ABCD2: variants seen among roughly 807,000 people sequenced by gnomAD.
ABCD2 encodes ATP binding cassette subfamily D member 2.
Under a neutral mutation model 70.9 loss-of-function variants are expected in ABCD2, and 36 were observed. The ratio of observed to expected loss-of-function variants is 0.51; its 90% CI spans 0.39 to 0.67. ABCD2 has a LOEUF of 0.67. Among genes scored for constraint, ABCD2 ranks in the 30% least tolerant of loss-of-function variants. ABCD2 has a pLI of 0.00. For missense variants in ABCD2, 729 were observed against 890.2 expected (o/e 0.82, Z 2.30); for synonymous variants, 304 against 306.9 (o/e 0.99, Z 0.10).
At chr12:39,587,265 T>C (rs1941678944) in intron 6 of ABCD2, among the ~76,000 whole-genome samples, 1 of 152,214 alleles carries the variant, frequency 6.6e-6, no homozygotes, top group Non-Finnish European at 1.5e-5. Context: ...TATAGAGTGA[T>C]TTCCATGATA....
At chr12:39,618,443 G>A (rs1592002684) in intron 1 of ABCD2, among the ~76,000 whole-genome samples, 1 of 152,258 alleles carries the variant, frequency 6.6e-6, no homozygotes, top group East Asian at 1.9e-4. Flanking sequence ...CTTTTTTAGA[G>A]TGTTGCAAAT....
chr12:39,575,110 G>A (rs189861599), intron 8 of ABCD2, among the ~76,000 whole-genome samples: 1 of 152,278 alleles, frequency 6.6e-6, no homozygotes, highest in Admixed American at 6.5e-5. Context: ...TGAACAAGAG[G>A]AAGAAGTAAA....
intron 4 of ABCD2, 116 bp downstream of exon 4, chr12:39,604,646 A>C (rs1400515486): frequency 3.9e-6 from 3 of 768,886 alleles, no homozygotes; most frequent in Non-Finnish European, 5.9e-6. Flanking sequence ...TGTTTAAATA[A>C]TGTTGGTTAT....
At chr12:39,604,092 A>G (rs1941938389) in intron 4 of ABCD2, 86 bp from the exon 5 acceptor site, 1 of 853,450 alleles carries the variant, frequency 1.2e-6, no homozygotes, top group African/African-American at 1.7e-5. Context: ...ATAACAGGTA[A>G]TTTCAATTAT....
At chr12:39,613,682 T>A (rs563505083) in intron 2 of ABCD2, among the ~76,000 whole-genome samples, 1 of 152,286 alleles carries the variant, frequency 6.6e-6, no homozygotes, top group South Asian at 2.1e-4. Context: ...CATCTGGAGT[T>A]ATATAACGCC....
At chr12:39,532,036 G>A in the ABCD2 span, among the ~76,000 whole-genome samples, 1 of 152,174 alleles carries the variant, frequency 6.6e-6, no homozygotes, top group African/African-American at 2.4e-5. Flanking sequence ...TCAATTAGGT[G>A]GATTAACAGG....
intron 5 of ABCD2, 35 bp downstream of exon 5, chr12:39,603,877 G>A (rs746256570): frequency 6.9e-7 from 1 of 1,456,464 alleles, no homozygotes; most frequent in South Asian, 1.1e-5. Flanking sequence ...TTAGTGTGAT[G>A]GCAACAATCA....
intron 6 of ABCD2, among the ~76,000 whole-genome samples, chr12:39,591,276 GATA>G (rs746379012): frequency 1.3e-5 from 2 of 152,044 alleles, no homozygotes; most frequent in African/African-American, 4.8e-5. Context: ...AAAAATGTGT[GATA>G]ATAAGAAGAA....
the ABCD2 span, among the ~76,000 whole-genome samples, chr12:39,542,293 C>G: frequency 6.6e-6 from 1 of 151,996 alleles, no homozygotes; most frequent in Admixed American, 6.6e-5. Flanking sequence ...GAAACCCTAT[C>G]TCTACTAAAA....
At chr12:39,558,542 GT>G (rs1352356586) in intron 9 of ABCD2, among the ~76,000 whole-genome samples, 1 of 152,160 alleles carries the variant, frequency 6.6e-6, no homozygotes, top group Admixed American at 6.5e-5. Context: ...TCATGATGGG[GT>G]TTCCCCCATG....
At chr12:39,573,613 A>G in intron 9 of ABCD2, 103 bp downstream of exon 9, 2 of 1,257,972 alleles carry the variant, frequency 1.6e-6, no homozygotes, top group Non-Finnish European at 1.1e-6. Flanking sequence ...GGTAGAAAAT[A>G]AGTGAAATAC....
At chr12:39,555,422 CA>C (rs1443547980) in intron 9 of ABCD2, among the ~76,000 whole-genome samples, 4 of 152,104 alleles carry the variant, frequency 2.6e-5, no homozygotes, top group Non-Finnish European at 5.9e-5. Flanking sequence ...TACCTACACA[CA>C]AAAATACCTC....
intron 6 of ABCD2, among the ~76,000 whole-genome samples, chr12:39,588,317 T>G (rs182263359): frequency 1.3e-3 from 191 of 152,272 alleles, no homozygotes; most frequent in Non-Finnish European, 1.4e-3. Context: ...AAATGAAACC[T>G]TATTTAGGAA....
the ABCD2 span, among the ~76,000 whole-genome samples, chr12:39,533,022 A>G: frequency 1.3e-5 from 2 of 151,788 alleles, no homozygotes; most frequent in South Asian, 4.2e-4. Context: ...AAAATTAGCC[A>G]GGGGTGGTGG....
At chr12:39,537,064 C>G in the ABCD2 span, among the ~76,000 whole-genome samples, 1 of 148,254 alleles carries the variant, frequency 6.7e-6, no homozygotes, top group African/African-American at 2.5e-5. Context: ...TTTTTTTTTT[C>G]TCTGTGTGCA....
At position 39,619,069 on chromosome 12, in the gene ABCD2, C is replaced by T. The variant is rs1219205420; in HGVS notation, c.547G>A (p.Ala183Thr). 6 of 1,614,150 alleles carry T rather than the reference C, an allele frequency of 3.7e-6. No homozygotes were observed. Among genetic ancestry groups the T allele is most frequent in the Non-Finnish European group, 4.2e-6 (5 of 1,180,030 alleles). The part of the protein sequence containing the change: ...LAFRTRLVDH[A>T]YETYFTNQTY... ...TGATTTGTAAAATAGGTTTCATAGG[C>T]GTGGTCTACTAGGCGAGTTCTGAAG... Residue 183 changes from alanine (A) to threonine (T), a missense_variant, in exon 1 of 10, where the codon GCC becomes ACC. Physicochemically the swap from Ala to Thr is moderately conservative, Grantham distance 58. Coordinates refer to ENST00000308666, the MANE Select transcript of ABCD2 (RefSeq NM_005164.4).
chr12:39,558,137 C>A (rs1941197997), intron 9 of ABCD2, among the ~76,000 whole-genome samples: 1 of 152,248 alleles, frequency 6.6e-6, no homozygotes, highest in Admixed American at 6.5e-5. Context: ...CCAACTCTTG[C>A]ATCAGCAGCA....
chr12:39,544,755 G>A, the ABCD2 span, among the ~76,000 whole-genome samples: 1 of 152,188 alleles, frequency 6.6e-6, no homozygotes, highest in Non-Finnish European at 1.5e-5. Flanking sequence ...GGGAATGGGA[G>A]TGAACCCCAG....
chr12:39,584,440 G>T (rs1280295160), intron 7 of ABCD2, among the ~76,000 whole-genome samples: 2 of 152,092 alleles, frequency 1.3e-5, no homozygotes, highest in African/African-American at 4.8e-5. Flanking sequence ...TGCATAATTT[G>T]CAAATACTTT....
Sources: gnomAD v4.1 joint callset for allele counts (sites outside exome capture counted in the v4.1 genomes callset) on GRCh38, gnomAD v4.1.1 for gene constraint, MANE v1.5 for transcripts, NCBI Gene and HGNC (gene_info 2026-07-23, HGNC 2026-07-21) for gene names.